The following IL19 variants were observed in gnomAD, a reference collection of about 807,000 sequenced individuals.
The protein encoded by IL19 is interleukin-19.
In IL19, 15 loss-of-function variants were observed where a neutral mutation model predicts 19.5. The observed-to-expected ratio is 0.77, with a 90% confidence interval of 0.52 to 1.19. The LOEUF is 1.19. Ranked by LOEUF, IL19 falls within the 50% of genes most tolerant of loss-of-function variation. The pLI is 0.00. For synonymous variants in IL19, 78 were observed against 78.3 expected (o/e 1.00, Z 0.02); for missense variants, 199 against 213.1 (o/e 0.93, Z 0.41).
At chr1:206,782,108 T>A (rs575367889) in intron 1 of IL19, among the ~76,000 whole-genome samples, 1 of 150,652 alleles carries the variant, frequency 6.6e-6, no homozygotes, top group South Asian at 2.1e-4. Context: ...GATAAATTTT[T>A]AAAAATACCT....
At chr1:206,835,937 C>T (rs924719911) in intron 2 of IL19, among the ~76,000 whole-genome samples, 14 of 152,230 alleles carry the variant, frequency 9.2e-5, no homozygotes, top group African/African-American at 3.4e-4. Context: ...GGTGGCAAAC[C>T]TCTCAGGGTC....
intron 4 of IL19, 100 bp from the exon 5 acceptor site, chr1:206,839,750 A>G (rs1676936140): frequency 9.7e-7 from 1 of 1,026,684 alleles, no homozygotes; most frequent in Non-Finnish European, 1.4e-6. Context: ...AATGACTTTT[A>G]GTTCTCTCAT....
chr1:206,831,378 C>A (rs192825811), intron 2 of IL19, among the ~76,000 whole-genome samples: 1 of 152,236 alleles, frequency 6.6e-6, no homozygotes, highest in East Asian at 1.9e-4. Context: ...CCCAGAAGTC[C>A]TAATTCTAAG....
At chr1:206,820,278 C>G (rs1676261605) in intron 2 of IL19, among the ~76,000 whole-genome samples, 1 of 152,134 alleles carries the variant, frequency 6.6e-6, no homozygotes, top group South Asian at 2.1e-4. Context: ...TATCAGAAAC[C>G]CTCCCGCTTG....
chr1:206,771,108 G>C, intron 1 of IL19, 30 bp downstream of exon 1: 1 of 1,597,794 alleles, frequency 6.3e-7, no homozygotes, highest in Non-Finnish European at 8.6e-7. Context: ...AGGTGGCTGG[G>C]AGGAGGGGCT....
chr1:206,832,638 T>C (rs1416802823), intron 2 of IL19, among the ~76,000 whole-genome samples: 1 of 152,198 alleles, frequency 6.6e-6, no homozygotes, highest in Admixed American at 6.5e-5. Context: ...CCCATCTCCA[T>C]GCAAATGAGA....
intron 1 of IL19, chr1:206,772,413 C>G (rs1320508378): frequency 5.6e-6 from 9 of 1,614,042 alleles, no homozygotes; most frequent in Non-Finnish European, 7.6e-6. Context: ...GACCAGGCAA[C>G]AGAGCAGTGC....
chr1:206,809,363 G>A (rs996181172), intron 2 of IL19, among the ~76,000 whole-genome samples: 1 of 152,180 alleles, frequency 6.6e-6, no homozygotes, highest in African/African-American at 2.4e-5. Flanking sequence ...TTGGTGTGGG[G>A]TGGGTGGGCA....
rs1233584667 is a variant in IL19, at chr1:206,817,087, A to AG, written c.-3+18081_-3+18082insG. The stretch of plus-strand genomic sequence containing the variant: ...TGGCTTCTGATATCAAGAAAAAAAA[A>AG]CTGGCTGAAATCAGTTGGAACCAAG... On this transcript the variant is annotated intron_variant, in intron 2 of 6. Transcript: ENST00000659997. Among the ~76,000 whole-genome samples the AG allele has an allele frequency of 1.3e-3, 200 of 152,352 alleles. 1 individual carries two copies. Among genetic ancestry groups the AG allele is most frequent in the Admixed American group, 0.013 (198 of 15,308 alleles).
At chr1:206,836,060 G>A (rs1170524836) in intron 2 of IL19, among the ~76,000 whole-genome samples, 1 of 152,192 alleles carries the variant, frequency 6.6e-6, no homozygotes, top group South Asian at 2.1e-4. Flanking sequence ...TCTTCCCCTA[G>A]CTCCTTATTG....
chr1:206,840,084 C>T, intron 5 of IL19, 82 bp downstream of exon 5: 1 of 1,457,932 alleles, frequency 6.9e-7, no homozygotes, highest in Non-Finnish European at 9.6e-7. Flanking sequence ...CCATCGGCCT[C>T]CTGATATGGT....
intron 2 of IL19, among the ~76,000 whole-genome samples, chr1:206,814,040 A>G (rs1676085606): frequency 6.6e-6 from 1 of 152,190 alleles, no homozygotes; most frequent in African/African-American, 2.4e-5. Flanking sequence ...ATCTTTTTAT[A>G]TATAGTAAGA....
At chr1:206,839,784 G>A (rs997527969) in intron 4 of IL19, 66 bp from the exon 5 acceptor site, 24 of 1,425,654 alleles carry the variant, frequency 1.7e-5, no homozygotes, top group Non-Finnish European at 2.2e-5. Flanking sequence ...TACTCAAATG[G>A]ACTGCCCTGG....
At chr1:206,801,002 C>A (rs1052546407) in intron 2 of IL19, among the ~76,000 whole-genome samples, 1 of 152,180 alleles carries the variant, frequency 6.6e-6, no homozygotes, top group African/African-American at 2.4e-5. Context: ...GCTTATGGAG[C>A]GAGATGGCTG....
rs189089970 is a variant in IL19 at position 206,784,464 on chromosome 1, T to C, written c.-149+13386T>C. On this transcript the variant is annotated intron_variant, in intron 1 of 6. Coordinates refer to ENST00000659997, the MANE Select transcript of IL19 (RefSeq NM_153758.5). ...TTCTGCCCAGCCCTGGAAGTGCCATTCTGTAAGAGAAACAAAACCTTTTCC... is the reference window on the plus strand; with the variant it reads ...TTCTGCCCAGCCCTGGAAGTGCCATCCTGTAAGAGAAACAAAACCTTTTCC... 3.3e-3 allele frequency among the ~76,000 whole-genome samples: 503 copies of C among 152,332 alleles called. 3 individuals carry two copies. The highest frequency in any genetic ancestry group is 6.0e-3 in the Non-Finnish European group (408 of 68,030).
intron 2 of IL19, among the ~76,000 whole-genome samples, chr1:206,819,918 C>A (rs1676251420): frequency 6.6e-6 from 1 of 152,186 alleles, no homozygotes; most frequent in Non-Finnish European, 1.5e-5. Flanking sequence ...GTATACCTAA[C>A]ATGTAAACCT....
At chr1:206,810,386 G>A (rs1675972032) in intron 2 of IL19, among the ~76,000 whole-genome samples, 1 of 152,190 alleles carries the variant, frequency 6.6e-6, no homozygotes, top group Admixed American at 6.5e-5. Context: ...TGTAGAGGAA[G>A]GCATCCAAGA....
chr1:206,796,857 C>T (rs4845139), intron 1 of IL19, among the ~76,000 whole-genome samples: 6 of 152,008 alleles, frequency 3.9e-5, no homozygotes, highest in African/African-American at 1.4e-4. Flanking sequence ...AGTCTGGCAG[C>T]TTCCTCCACC....
chr1:206,777,622 T>C (rs899531763), intron 1 of IL19, among the ~76,000 whole-genome samples: 3 of 152,092 alleles, frequency 2.0e-5, no homozygotes, highest in African/African-American at 7.2e-5. Context: ...AGACAGCTTG[T>C]TGGGCAACAC....
Sources: gnomAD v4.1 joint callset for allele counts (sites outside exome capture counted in the v4.1 genomes callset) on GRCh38, gnomAD v4.1.1 for gene constraint, MANE v1.5 for transcripts, NCBI Gene and HGNC (gene_info 2026-07-23, HGNC 2026-07-21) for gene names.